GBE1: variants seen among roughly 807,000 people sequenced by gnomAD.
The protein encoded by GBE1 is 1,4-alpha-glucan-branching enzyme.
A neutral mutation model predicts 88.8 loss-of-function variants in GBE1; 70 were observed. The ratio of observed to expected loss-of-function variants is 0.79; its 90% CI spans 0.65 to 0.96. The LOEUF (loss-of-function observed/expected upper bound fraction) is 0.96. GBE1 is among the 40% of genes least tolerant of loss of function. The pLI, the probability that GBE1 is intolerant of heterozygous loss-of-function variation, is 0.00. For synonymous variants in GBE1, 284 were observed against 300.1 expected (o/e 0.95, Z 0.56); for missense variants, 872 against 871.0 (o/e 1.00, Z -0.01).
chr3:81,657,304 T>G (rs1704955800), intron 3 of GBE1, among the ~76,000 whole-genome samples: 1 of 152,090 alleles, frequency 6.6e-6, no homozygotes, highest in South Asian at 2.1e-4. Flanking sequence ...AAGGGAATAT[T>G]TTTTCCTACC....
rs1704375836 is a variant in GBE1 at position 81,624,479 on chromosome 3, C to T, written c.992+18302G>A. 2.0e-5 allele frequency among the ~76,000 whole-genome samples: 3 copies of T among 152,168 alleles called. No individual in the cohort carries two copies. The South Asian group carries it at 6.2e-4, about 31-fold the overall frequency. On this transcript the variant is annotated intron_variant, in intron 7 of 15. Transcript: ENST00000429644. ...TATATTTAATACAGAAACAGTATTTCATATCTATTTTTAAAGTAAACTTCC... is the reference window on the plus strand; with the variant it reads ...TATATTTAATACAGAAACAGTATTTTATATCTATTTTTAAAGTAAACTTCC...
chr3:81,503,201 G>A (rs951818148), intron 14 of GBE1, among the ~76,000 whole-genome samples: 4 of 152,116 alleles, frequency 2.6e-5, no homozygotes, highest in Non-Finnish European at 4.4e-5. Flanking sequence ...AGGAAGACAT[G>A]GTCTTCATGT....
At chr3:81,711,449 T>C (rs1234389785) in intron 1 of GBE1, among the ~76,000 whole-genome samples, 4 of 152,128 alleles carry the variant, frequency 2.6e-5, no homozygotes, top group African/African-American at 7.2e-5. Context: ...ATTTATTAAA[T>C]AGGGAATCCT....
At chr3:81,573,936 T>C (rs1321586883) in intron 12 of GBE1, among the ~76,000 whole-genome samples, 1 of 152,130 alleles carries the variant, frequency 6.6e-6, no homozygotes, top group African/African-American at 2.4e-5. Flanking sequence ...AATATGATAT[T>C]GGCTTATCCC....
At chr3:81,616,821 G>GAACA (rs1190655001) in intron 7 of GBE1, among the ~76,000 whole-genome samples, 8 of 152,034 alleles carry the variant, frequency 5.3e-5, no homozygotes, top group African/African-American at 1.9e-4. Flanking sequence ...TCCAATCTGT[G>GAACA]AACACAGTAT....
chr3:81,672,716 T>A (rs1020299380), intron 2 of GBE1, among the ~76,000 whole-genome samples: 13 of 151,928 alleles, frequency 8.6e-5, no homozygotes, highest in Non-Finnish European at 1.6e-4. Context: ...TACACATAGA[T>A]GTTTATTACA....
At chr3:81,724,185 A>G (rs1008461042) in intron 1 of GBE1, among the ~76,000 whole-genome samples, 2 of 152,334 alleles carry the variant, frequency 1.3e-5, no homozygotes, top group Non-Finnish European at 2.9e-5. Context: ...AATTGAGAAA[A>G]GCCCAAATGC....
At chr3:81,555,248 C>T (rs1703331471) in intron 12 of GBE1, among the ~76,000 whole-genome samples, 1 of 152,100 alleles carries the variant, frequency 6.6e-6, no homozygotes, top group African/African-American at 2.4e-5. Context: ...AGAATTCAAA[C>T]ATATATAGGT....
intron 12 of GBE1, among the ~76,000 whole-genome samples, chr3:81,540,539 A>G (rs1703130571): frequency 6.6e-6 from 1 of 152,060 alleles, no homozygotes; most frequent in Non-Finnish European, 1.5e-5. Context: ...CTGCCCATAC[A>G]GGTAACAAGG....
rs78782924 is a variant in GBE1, at chr3:81,621,706, A to G, written c.992+21075T>C. 5.9e-3 allele frequency among the ~76,000 whole-genome samples: 895 copies of G among 152,272 alleles called. 6 individuals are homozygous for G. The highest frequency in any genetic ancestry group is 0.017 in the African/African-American group (708 of 41,532). On this transcript the variant is annotated intron_variant, in intron 7 of 15. Coordinates refer to ENST00000429644, the MANE Select transcript of GBE1 (RefSeq NM_000158.4). ...TTACATCACTCTCCTAGTCCTAACA[A>G]AACTCCACCTTAGTTGAATTTGATC...
At chr3:81,643,789 A>G (rs1335814264) in intron 6 of GBE1, among the ~76,000 whole-genome samples, 2 of 152,182 alleles carry the variant, frequency 1.3e-5, no homozygotes, top group Non-Finnish European at 2.9e-5. Flanking sequence ...AAGTCTCCCA[A>G]TAGCCAACTC....
chr3:81,517,588 C>T (rs1399827301), intron 14 of GBE1, among the ~76,000 whole-genome samples: 1 of 151,298 alleles, frequency 6.6e-6, no homozygotes, highest in East Asian at 2.0e-4. Context: ...TTTCAGAGTG[C>T]AGGACATATA....
chr3:81,717,963 ATTTAT>A (rs1287378246), intron 1 of GBE1, among the ~76,000 whole-genome samples: 2 of 47,446 alleles, frequency 4.2e-5, no homozygotes, highest in African/African-American at 1.2e-4. Context: ...TATTTTATTT[ATTTAT>A]TTATTTATTT....
At chr3:81,606,520 A>C (rs1473177104) in intron 7 of GBE1, among the ~76,000 whole-genome samples, 2 of 152,238 alleles carry the variant, frequency 1.3e-5, no homozygotes, top group African/African-American at 4.8e-5. Context: ...AGTCCTGGTT[A>C]CAGGTCCAGT....
intron 1 of GBE1, among the ~76,000 whole-genome samples, chr3:81,735,271 A>G (rs1489740841): frequency 6.6e-6 from 1 of 152,108 alleles, no homozygotes; most frequent in Non-Finnish European, 1.5e-5. Flanking sequence ...GCAAATCAAA[A>G]AGAGATGTTA....
At chr3:81,503,396 G>A (rs1374689546) in intron 14 of GBE1, among the ~76,000 whole-genome samples, 3 of 152,148 alleles carry the variant, frequency 2.0e-5, no homozygotes, top group African/African-American at 7.2e-5. Flanking sequence ...AAGTGTGATA[G>A]TGTTTAAAAT....
At chr3:81,653,323 T>A (rs1485706491) in intron 3 of GBE1, among the ~76,000 whole-genome samples, 1 of 151,658 alleles carries the variant, frequency 6.6e-6, no homozygotes, top group Admixed American at 6.6e-5. Flanking sequence ...AAAAATAAAA[T>A]AAAATTAAGC....
At chr3:81,543,103 T>C (rs1379851764) in intron 12 of GBE1, among the ~76,000 whole-genome samples, 2 of 152,120 alleles carry the variant, frequency 1.3e-5, no homozygotes, top group Admixed American at 1.3e-4. Context: ...TAATATGAAA[T>C]TAAATTTCTA....
chr3:81,525,228 T>A (rs772611635), intron 14 of GBE1, among the ~76,000 whole-genome samples: 50 of 152,136 alleles, frequency 3.3e-4, no homozygotes, highest in Non-Finnish European at 6.0e-4. Flanking sequence ...TTATTGAGAG[T>A]TTGTAGCATG....
Sources: allele counts gnomAD v4.1 joint callset (sites outside exome capture counted in the v4.1 genomes callset), GRCh38; gene constraint gnomAD v4.1.1; transcripts MANE v1.5; gene names NCBI Gene and HGNC (gene_info 2026-07-23, HGNC 2026-07-21).